Variants in HPSE2 observed in about 807,000 individuals in gnomAD.
HPSE2 encodes the protein heparanase 2 (inactive), also known as inactive heparanase-2.
Under a neutral mutation model 60.5 loss-of-function variants are expected in HPSE2, and 38 were observed. The ratio of observed to expected loss-of-function variants is 0.63; its 90% CI spans 0.48 to 0.82. The LOEUF (loss-of-function observed/expected upper bound fraction) is 0.82. Ranked by LOEUF, HPSE2 falls within the 40% of genes least tolerant of loss-of-function variation. The pLI is 0.00. For synonymous variants in HPSE2, 295 were observed against 293.2 expected, an observed-to-expected ratio of 1.01 and a Z score of -0.06; for missense variants, 713 against 740.4, an observed-to-expected ratio of 0.96 and a Z score of 0.43.
chr10:98,736,749 A>G (rs1410601321), intron 4 of HPSE2, among the ~76,000 whole-genome samples: 1 of 152,202 alleles, frequency 6.6e-6, no homozygotes, highest in African/African-American at 2.4e-5. Flanking sequence ...ACCTTTAGAT[A>G]CTAAACTCCT....
At position 99,101,032 on chromosome 10, in the gene HPSE2, A is replaced by T. The variant is rs544209188; in HGVS notation, c.610+43206T>A. ...ACAACCGGTACCAGCCACTGCAAAAACATGCCAAATTGTAAAGACCATCGA... is the reference window on the plus strand; with the variant it reads ...ACAACCGGTACCAGCCACTGCAAAATCATGCCAAATTGTAAAGACCATCGA... On this transcript the variant is annotated intron_variant, in intron 3 of 11. Coordinates refer to ENST00000370552, the MANE Select transcript of HPSE2 (RefSeq NM_021828.5). 3.3e-5 allele frequency among the ~76,000 whole-genome samples: 5 copies of T among 152,314 alleles called. No individual in the cohort carries two copies. In the East Asian group the frequency reaches 5.8e-4, roughly 18 times the overall value.
At position 99,062,917 on chromosome 10, in the gene HPSE2, G is replaced by A. The variant is rs72838819; in HGVS notation, c.610+81321C>T. Among the ~76,000 whole-genome samples the A allele has an allele frequency of 6.2e-3, 949 of 152,310 alleles. 8 individuals are homozygous for A. Among genetic ancestry groups the A allele is most frequent in the South Asian group, 0.027 (128 of 4,816 alleles). Reference sequence around the variant, plus strand: ...CTGTTAACCAATGGCTGGTCCCTGAGAAGCAGTTAGTCTGAAAGAAAACAA... The same window carrying A: ...CTGTTAACCAATGGCTGGTCCCTGAAAAGCAGTTAGTCTGAAAGAAAACAA... On this transcript the variant is annotated intron_variant, in intron 3 of 11. Transcript: ENST00000370552.
intron 3 of HPSE2, among the ~76,000 whole-genome samples, chr10:98,803,164 C>G (rs1097709): frequency 0.11 from 15,637 of 146,994 alleles, 2,288 homozygotes; most frequent in African/African-American, 0.33. Context: ...TTTTTGATGG[C>G]GTTGTTTGTT....
chr10:99,240,540 A>G (rs1849919174), upstream of HPSE2, among the ~76,000 whole-genome samples: 1 of 151,272 alleles, frequency 6.6e-6, no homozygotes, highest in African/African-American at 2.4e-5. Flanking sequence ...CCTCCCAAGT[A>G]GCTGGGACTA....
At chr10:98,744,697 T>C (rs1369878258) in intron 3 of HPSE2, among the ~76,000 whole-genome samples, 1 of 152,154 alleles carries the variant, frequency 6.6e-6, no homozygotes, top group Non-Finnish European at 1.5e-5. Context: ...AGTAGCTGAA[T>C]TTCTTAATTT....
At chr10:99,085,603 C>T (rs752212041) in intron 3 of HPSE2, among the ~76,000 whole-genome samples, 3 of 152,050 alleles carry the variant, frequency 2.0e-5, no homozygotes, top group Non-Finnish European at 4.4e-5. Context: ...GGTAAGGAAT[C>T]ATATTTATTA....
chr10:98,734,968 T>C (rs1949315129), intron 4 of HPSE2, among the ~76,000 whole-genome samples: 2 of 73,262 alleles, frequency 2.7e-5, no homozygotes, highest in Admixed American at 2.9e-4. Context: ...CTGATACAGT[T>C]GTTACAAATG....
chr10:99,003,269 T>A (rs188102004), intron 3 of HPSE2, among the ~76,000 whole-genome samples: 1 of 152,234 alleles, frequency 6.6e-6, no homozygotes, highest in Non-Finnish European at 1.5e-5. Flanking sequence ...GACACTTAGA[T>A]TGATTCCATA....
intron 9 of HPSE2, among the ~76,000 whole-genome samples, chr10:98,584,715 A>G (rs762379907): frequency 1.2e-4 from 19 of 152,334 alleles, no homozygotes; most frequent in Non-Finnish European, 2.1e-4. Context: ...TCCCCATTCT[A>G]AGATGCTACC....
chr10:98,864,235 C>A (rs2134793336), intron 3 of HPSE2, among the ~76,000 whole-genome samples: 1 of 152,246 alleles, frequency 6.6e-6, no homozygotes, highest in South Asian at 2.1e-4. Flanking sequence ...CAGAGCTTCT[C>A]AACGTTTTTA....
At chr10:98,496,021 C>G (rs1203607226) in intron 9 of HPSE2, among the ~76,000 whole-genome samples, 2 of 151,932 alleles carry the variant, frequency 1.3e-5, no homozygotes, top group African/African-American at 4.8e-5. Flanking sequence ...CTCTTCCTCC[C>G]TAGGGTTTGC....
At chr10:99,207,708 C>T (rs901525424) in intron 2 of HPSE2, among the ~76,000 whole-genome samples, 31 of 151,862 alleles carry the variant, frequency 2.0e-4, no homozygotes, top group African/African-American at 7.0e-4. Flanking sequence ...TTTATGTGAT[C>T]GAAGTTACTA....
chr10:99,180,065 A>G lies in HPSE2; in HGVS notation c.449-35666T>C, dbSNP rs566889534. On this transcript the variant is annotated intron_variant, in intron 2 of 11. Coordinates refer to ENST00000370552, the MANE Select transcript of HPSE2 (RefSeq NM_021828.5). ...GGAAAACTGGCTAGCCATATGCAGAAAGCTGAAACTGGACCCCTTCCTTAT... is the reference window on the plus strand; with the variant it reads ...GGAAAACTGGCTAGCCATATGCAGAGAGCTGAAACTGGACCCCTTCCTTAT... 2.0e-5 allele frequency among the ~76,000 whole-genome samples: 3 copies of G among 152,324 alleles called. No individual in the cohort carries two copies. The South Asian group carries it at 6.2e-4, about 32-fold the overall frequency.
chr10:99,169,856 G>A (rs769527391), intron 2 of HPSE2, among the ~76,000 whole-genome samples: 2 of 152,012 alleles, frequency 1.3e-5, no homozygotes, highest in Admixed American at 6.6e-5. Context: ...AGGTTTTGTG[G>A]GTCATACAAT....
chr10:98,499,108 C>T (rs7096237), intron 9 of HPSE2, among the ~76,000 whole-genome samples: 3,525 of 152,180 alleles, frequency 0.023, 145 homozygotes, highest in African/African-American at 0.079. Flanking sequence ...ACTTCCCTGG[C>T]CTTGCTAGAG....
intron 3 of HPSE2, among the ~76,000 whole-genome samples, chr10:99,133,952 A>G (rs1845546193): frequency 6.6e-6 from 1 of 152,210 alleles, no homozygotes; most frequent in Non-Finnish European, 1.5e-5. Context: ...TTCTAACCCC[A>G]TGTAAGGAAG....
In HPSE2 at chr10:98,929,505, C is replaced by T. The variant is rs771859410; in HGVS notation, c.611-185449G>A. 1.0e-4 allele frequency among the ~76,000 whole-genome samples: 15 copies of T among 143,938 alleles called. 2 individuals carry two copies. The highest frequency in any genetic ancestry group is 1.4e-4 in the African/African-American group (5 of 35,494). 94.4% of individuals were successfully genotyped at this position (143,938 alleles called of 152,430 possible). A position where few individuals can be genotyped will look rare whatever the true frequency, so the allele number is the denominator to read the frequency against. On this transcript the variant is annotated intron_variant, in intron 3 of 11. Coordinates refer to ENST00000370552, the MANE Select transcript of HPSE2 (RefSeq NM_021828.5). The stretch of plus-strand genomic sequence containing the variant: ...CTAAAGCTATCTTCATATTGAACAA[C>T]GAGAAGATAAGCCCAGTTTTGTAAA...
At chr10:98,835,050 T>C (rs564954774) in intron 3 of HPSE2, among the ~76,000 whole-genome samples, 1 of 152,228 alleles carries the variant, frequency 6.6e-6, no homozygotes, top group South Asian at 2.1e-4. Flanking sequence ...ACAAATGCTT[T>C]TGGCGGGGGA....
At chr10:99,200,843 A>G (rs1848551913) in intron 2 of HPSE2, among the ~76,000 whole-genome samples, 1 of 152,136 alleles carries the variant, frequency 6.6e-6, no homozygotes, top group Admixed American at 6.5e-5. Context: ...TATCTGTCAC[A>G]CTGGTATGTC....
Sources: allele counts gnomAD v4.1 joint callset (sites outside exome capture counted in the v4.1 genomes callset), GRCh38; gene constraint gnomAD v4.1.1; transcripts MANE v1.5; gene names NCBI Gene and HGNC (gene_info 2026-07-23, HGNC 2026-07-21).